Variants in ANKRD6 observed in about 807,000 individuals in gnomAD.
The protein encoded by ANKRD6 is ankyrin repeat domain 6.
ANKRD6 carries 56 observed loss-of-function variants against 82.3 expected under a neutral mutation model. The observed-to-expected ratio is 0.68, with a 90% CI of 0.55 to 0.85. ANKRD6 has a LOEUF of 0.85. Ranked by LOEUF, ANKRD6 falls within the 40% of genes least tolerant of loss-of-function variation. The pLI is 0.00. For missense variants in ANKRD6, 852 were observed against 907.6 expected, an observed-to-expected ratio of 0.94 and a Z score of 0.79; for synonymous variants, 347 against 352.1, an observed-to-expected ratio of 0.99 and a Z score of 0.16.
chr6:89,521,446 G>C (rs945373888), intron 1 of ANKRD6, among the ~76,000 whole-genome samples: 2 of 152,206 alleles, frequency 1.3e-5, no homozygotes, highest in South Asian at 4.1e-4. Context: ...AGGCTGGAGT[G>C]AAGGGGCCAG....
At chr6:89,566,404 C>T (rs1452178655) in intron 1 of ANKRD6, among the ~76,000 whole-genome samples, 2 of 152,240 alleles carry the variant, frequency 1.3e-5, no homozygotes, top group East Asian at 3.9e-4. Context: ...AGGCCACTGA[C>T]CCACTGGGGA....
At chr6:89,530,751 CG>C (rs1304286339) in intron 1 of ANKRD6, among the ~76,000 whole-genome samples, 1 of 152,130 alleles carries the variant, frequency 6.6e-6, no homozygotes, top group Admixed American at 6.5e-5. Context: ...GAAAATGTTC[CG>C]GGAGAAATGG....
intron 1 of ANKRD6, among the ~76,000 whole-genome samples, chr6:89,516,166 T>TG (rs1443571845): frequency 6.6e-6 from 1 of 152,166 alleles, no homozygotes; most frequent in African/African-American, 2.4e-5. Flanking sequence ...AGGGTGTTTC[T>TG]GGAAGAGATG....
intron 1 of ANKRD6, chr6:89,560,848 C>T (rs1050306259): frequency 6.6e-6 from 1 of 152,072 alleles, no homozygotes; most frequent in Non-Finnish European, 1.5e-5. Context: ...AAAAGAAAAA[C>T]GGTAGGTGCA....
chr6:89,555,698 G>T (rs948686804), intron 1 of ANKRD6, among the ~76,000 whole-genome samples: 5 of 152,144 alleles, frequency 3.3e-5, no homozygotes, highest in African/African-American at 1.2e-4. Flanking sequence ...TTTTGGCCAA[G>T]CTAGGGTGCA....
At chr6:89,442,537 C>T (rs1298252419) in intron 1 of ANKRD6, among the ~76,000 whole-genome samples, 1 of 149,998 alleles carries the variant, frequency 6.7e-6, no homozygotes, top group African/African-American at 2.5e-5. Flanking sequence ...GTAAGAGGAT[C>T]GCTTGAGCCT....
At chr6:89,549,798 G>C (rs1785577101) in intron 1 of ANKRD6, among the ~76,000 whole-genome samples, 1 of 151,960 alleles carries the variant, frequency 6.6e-6, no homozygotes, top group Non-Finnish European at 1.5e-5. Context: ...AGACTGATGG[G>C]TACATTTGAA....
intron 1 of ANKRD6, among the ~76,000 whole-genome samples, chr6:89,544,481 A>G (rs977809949): frequency 7.2e-5 from 11 of 151,926 alleles, no homozygotes; most frequent in South Asian, 4.2e-4. Flanking sequence ...TTTGGAGGCC[A>G]AGGCGGGCAG....
chr6:89,582,824 C>T (rs1160916726), intron 2 of ANKRD6, among the ~76,000 whole-genome samples: 1 of 152,178 alleles, frequency 6.6e-6, no homozygotes. Context: ...ATCAGCATAA[C>T]AGCACTTACC....
At chr6:89,509,080 G>A (rs1215987698) in intron 1 of ANKRD6, 1 of 152,268 alleles carries the variant, frequency 6.6e-6, no homozygotes, top group East Asian at 1.9e-4. Flanking sequence ...CCCTCCCTCT[G>A]GGCGACTGTG....
chr6:89,604,259 T>A (rs1177059899), intron 4 of ANKRD6, among the ~76,000 whole-genome samples: 1 of 151,370 alleles, frequency 6.6e-6, no homozygotes, highest in Non-Finnish European at 1.5e-5. Flanking sequence ...ACCCGGGAGG[T>A]GGAGGTTGCA....
chr6:89,615,892 A>G (rs1385994414), intron 7 of ANKRD6, among the ~76,000 whole-genome samples: 1 of 152,226 alleles, frequency 6.6e-6, no homozygotes, highest in Non-Finnish European at 1.5e-5. Flanking sequence ...GATTTTGTGA[A>G]AGCATATTTC....
intron 1 of ANKRD6, among the ~76,000 whole-genome samples, chr6:89,450,595 G>A (rs1338071263): frequency 1.3e-5 from 2 of 152,034 alleles, no homozygotes; most frequent in East Asian, 3.9e-4. Context: ...ATAGCTCAGT[G>A]CCACCTTGAA....
chr6:89,622,089 C>T (rs1448289474), intron 10 of ANKRD6, 63 bp downstream of exon 10: 2 of 1,501,794 alleles, frequency 1.3e-6, no homozygotes, highest in East Asian at 2.3e-5. Context: ...GAAACTATCT[C>T]CCTGCTTCGG....
chr6:89,547,714 G>A (rs1028509513), intron 1 of ANKRD6, among the ~76,000 whole-genome samples: 1 of 152,112 alleles, frequency 6.6e-6, no homozygotes, highest in African/African-American at 2.4e-5. Flanking sequence ...ATAGAAAATT[G>A]TATCCTTTAT....
chr6:89,548,147 C>T (rs1382979897), intron 1 of ANKRD6, among the ~76,000 whole-genome samples: 1 of 152,218 alleles, frequency 6.6e-6, no homozygotes, highest in Non-Finnish European at 1.5e-5. Flanking sequence ...AAATCCAGAA[C>T]ATTTACATCA....
At chr6:89,568,807 A>T (rs2128079342) in intron 2 of ANKRD6, among the ~76,000 whole-genome samples, 2 of 152,226 alleles carry the variant, frequency 1.3e-5, no homozygotes, top group East Asian at 3.9e-4. Flanking sequence ...CCCTGAACTC[A>T]CGCATCCCGG....
At chr6:89,442,373 C>T (rs953505335) in intron 1 of ANKRD6, among the ~76,000 whole-genome samples, 13 of 151,970 alleles carry the variant, frequency 8.6e-5, no homozygotes, top group African/African-American at 2.9e-4. Flanking sequence ...CCTATAGTCC[C>T]AGCACTTTGG....
intron 5 of ANKRD6, among the ~76,000 whole-genome samples, chr6:89,606,402 T>A (rs1333758150): frequency 1.3e-5 from 2 of 152,090 alleles, no homozygotes; most frequent in African/African-American, 4.8e-5. Context: ...ATTCAAAAAA[T>A]ATGGCAATGG....
Sources: allele counts gnomAD v4.1 joint callset (sites outside exome capture counted in the v4.1 genomes callset), GRCh38; gene constraint gnomAD v4.1.1; transcripts MANE v1.5; gene names NCBI Gene and HGNC (gene_info 2026-07-23, HGNC 2026-07-21).